Variants in RORA observed in about 807,000 individuals in gnomAD.
RORA encodes RAR related orphan receptor A.
In RORA, 7 loss-of-function variants were observed where a neutral mutation model predicts 69.5. The ratio of observed to expected loss-of-function variants is 0.10; its 90% CI spans 0.06 to 0.19. The LOEUF (loss-of-function observed/expected upper bound fraction) is 0.19, where lower values mean the gene tolerates loss of function less well. RORA is among the 10% of genes least tolerant of loss of function. RORA has a pLI of 1.00. For synonymous variants in RORA, 261 were observed against 240.8 expected, an observed-to-expected ratio of 1.08 and a Z score of -0.78; for missense variants, 457 against 663.0, an observed-to-expected ratio of 0.69 and a Z score of 3.41.
At chr15:60,866,222 C>A (rs1419889725) in intron 1 of RORA, among the ~76,000 whole-genome samples, 1 of 152,158 alleles carries the variant, frequency 6.6e-6, no homozygotes, top group Non-Finnish European at 1.5e-5. Flanking sequence ...TTCTTCCCAG[C>A]CTCTGGTAGC....
chr15:60,501,098 G>A, intron 8 of RORA, 29 bp from the exon 9 acceptor site: 1 of 1,333,376 alleles, frequency 7.5e-7, no homozygotes, highest in Non-Finnish European at 1.1e-6. Flanking sequence ...AGACAGTTTA[G>A]AATTTTGATT....
intron 2 of RORA, among the ~76,000 whole-genome samples, chr15:60,549,863 G>A (rs1043394358): frequency 5.9e-5 from 9 of 152,036 alleles, no homozygotes; most frequent in African/African-American, 2.2e-4. Context: ...TTTTATAAAG[G>A]GTCTGATTTT....
intron 1 of RORA, among the ~76,000 whole-genome samples, chr15:61,068,195 C>T (rs1350125962): frequency 1.3e-5 from 2 of 152,218 alleles, no homozygotes; most frequent in African/African-American, 4.8e-5. Context: ...GCTCTTCAGT[C>T]TCTTTTTAAC....
chr15:61,008,001 C>T (rs1894966922), intron 1 of RORA, among the ~76,000 whole-genome samples: 1 of 151,438 alleles, frequency 6.6e-6, no homozygotes, highest in South Asian at 2.1e-4. Context: ...TGACAGCAAA[C>T]ATTTACACCA....
At chr15:61,056,104 T>A (rs1001056179) in intron 1 of RORA, among the ~76,000 whole-genome samples, 1 of 152,138 alleles carries the variant, frequency 6.6e-6, no homozygotes, top group African/African-American at 2.4e-5. Flanking sequence ...AAGAGACATA[T>A]TAAGAATGAA....
chr15:61,208,204 G>A lies in RORA; in HGVS notation c.166+20849C>T, dbSNP rs373459242. On this transcript the variant is annotated intron_variant, in intron 1 of 10. Coordinates refer to ENST00000335670, the MANE Select transcript of RORA (RefSeq NM_134261.3). ...ACAAAATGTGATACATCCACATAAT[G>A]GAAGATTATTCAGCAACATAAAGGA... Among the ~76,000 whole-genome samples the A allele has an allele frequency of 7.5e-4, 114 of 152,284 alleles. 1 individual carries two copies. The South Asian group carries it at 0.016, about 21-fold the overall frequency.
In RORA at chr15:60,607,482, C is replaced by T. The variant is rs113052547; in HGVS notation, c.196+71175G>A. On this transcript the variant is annotated intron_variant, in intron 2 of 10. Transcript: ENST00000335670. ...TGGTATACATACCTAAAATAATAACCCTAACTATTTAAGACCTTACACTCA... is the reference window on the plus strand; with the variant it reads ...TGGTATACATACCTAAAATAATAACTCTAACTATTTAAGACCTTACACTCA... 5.5e-3 allele frequency among the ~76,000 whole-genome samples: 831 copies of T among 152,140 alleles called. 9 individuals are homozygous for T. The highest frequency in any genetic ancestry group is 0.018 in the African/African-American group (759 of 41,488).
intron 1 of RORA, among the ~76,000 whole-genome samples, chr15:61,202,554 C>T (rs1368088092): frequency 6.6e-6 from 1 of 152,076 alleles, no homozygotes; most frequent in Non-Finnish European, 1.5e-5. Flanking sequence ...CTACACATAC[C>T]CTAGGAGGGT....
chr15:61,212,325 G>A (rs955844781), intron 1 of RORA, among the ~76,000 whole-genome samples: 1 of 152,078 alleles, frequency 6.6e-6, no homozygotes, highest in Admixed American at 6.5e-5. Flanking sequence ...TCAAAGCAGA[G>A]AAAAGTGAAA....
At chr15:60,966,287 T>C (rs1893552839) in intron 1 of RORA, among the ~76,000 whole-genome samples, 1 of 152,192 alleles carries the variant, frequency 6.6e-6, no homozygotes, top group African/African-American at 2.4e-5. Flanking sequence ...ATGCTGAGTA[T>C]GGGGATTAGG....
At chr15:60,947,746 G>A (rs1254230040) in intron 1 of RORA, among the ~76,000 whole-genome samples, 1 of 150,852 alleles carries the variant, frequency 6.6e-6, no homozygotes, top group Admixed American at 6.6e-5. Flanking sequence ...AGAAGTCATG[G>A]GTAGCACCTG....
intron 1 of RORA, among the ~76,000 whole-genome samples, chr15:60,754,270 CATT>C (rs2071766401): frequency 1.3e-5 from 2 of 152,152 alleles, no homozygotes; most frequent in African/African-American, 4.8e-5. Context: ...TTGTTTACAT[CATT>C]GTTTCACTAC....
chr15:61,124,030 G>T (rs1199038662), intron 1 of RORA, among the ~76,000 whole-genome samples: 1 of 152,156 alleles, frequency 6.6e-6, no homozygotes, highest in African/African-American at 2.4e-5. Flanking sequence ...CATGCGAACA[G>T]CCACTGGAGG....
intron 1 of RORA, among the ~76,000 whole-genome samples, chr15:61,153,880 T>C (rs1463856418): frequency 2.0e-5 from 3 of 152,232 alleles, no homozygotes; most frequent in Non-Finnish European, 2.9e-5. Flanking sequence ...GCCATTATCA[T>C]TCATGCTAGC....
intron 1 of RORA, among the ~76,000 whole-genome samples, chr15:60,877,052 T>C (rs760241110): frequency 1.3e-5 from 2 of 152,184 alleles, no homozygotes; most frequent in Admixed American, 6.5e-5. Flanking sequence ...TCAAACCCTA[T>C]GACTTATGTA....
chr15:60,503,093 G>A (rs1184271492), intron 7 of RORA, among the ~76,000 whole-genome samples: 1 of 152,164 alleles, frequency 6.6e-6, no homozygotes, highest in Non-Finnish European at 1.5e-5. Context: ...ACTGAAGTGA[G>A]GGTTGATTTA....
At chr15:60,514,939 C>A (rs1451979624) in intron 3 of RORA, among the ~76,000 whole-genome samples, 182 bp from the exon 4 acceptor site, 5 of 152,064 alleles carry the variant, frequency 3.3e-5, no homozygotes, top group Non-Finnish European at 7.4e-5. Flanking sequence ...TAAAATTGAT[C>A]CCCAGAGCCT....
chr15:61,079,994 A>G (rs933852575), intron 1 of RORA, among the ~76,000 whole-genome samples: 2 of 152,208 alleles, frequency 1.3e-5, no homozygotes, highest in African/African-American at 4.8e-5. Flanking sequence ...TCCTGTATAT[A>G]AAGAGGCCAG....
chr15:61,187,596 G>C (rs2079756819), intron 1 of RORA, among the ~76,000 whole-genome samples: 1 of 152,110 alleles, frequency 6.6e-6, no homozygotes, highest in South Asian at 2.1e-4. Context: ...AACAGCGCAG[G>C]GCTACTTTGC....
Sources: gnomAD v4.1 joint callset for allele counts (sites outside exome capture counted in the v4.1 genomes callset) on GRCh38, gnomAD v4.1.1 for gene constraint, MANE v1.5 for transcripts, NCBI Gene and HGNC (gene_info 2026-07-23, HGNC 2026-07-21) for gene names.